AGBL3: variants seen among roughly 807,000 people sequenced by gnomAD.
The protein encoded by AGBL3 is AGBL carboxypeptidase 3, also known as cytosolic carboxypeptidase 3.
AGBL3 carries 68 observed loss-of-function variants against 94.5 expected under a neutral mutation model. That is an observed-to-expected ratio of 0.72 (90% CI 0.59 to 0.88). The LOEUF (loss-of-function observed/expected upper bound fraction) is 0.88, where lower values mean the gene tolerates loss of function less well. AGBL3 is among the 40% of genes least tolerant of loss of function. The probability of loss-of-function intolerance (pLI) is 0.00; values close to 1 mark genes in which losing one functional copy is unlikely to be tolerated. For missense variants in AGBL3, 934 were observed against 1,103.8 expected, an observed-to-expected ratio of 0.85 and a Z score of 2.18; for synonymous variants, 354 against 370.7, an observed-to-expected ratio of 0.95 and a Z score of 0.52.
At chr7:135,056,745 A>G (rs974105903) in intron 11 of AGBL3, among the ~76,000 whole-genome samples, 16 of 152,140 alleles carry the variant, frequency 1.1e-4, no homozygotes, top group African/African-American at 3.9e-4. Flanking sequence ...AAGAGGATCT[A>G]AATAAATGGA....
intron 15 of AGBL3, among the ~76,000 whole-genome samples, chr7:135,088,225 C>T (rs12533885): frequency 0.49 from 73,696 of 151,822 alleles, 18,247 homozygotes; most frequent in South Asian, 0.66. Flanking sequence ...ATAAGTTTCC[C>T]GTAGGCAGCA....
At chr7:135,058,801 G>A (rs1818564224) in intron 11 of AGBL3, among the ~76,000 whole-genome samples, 4 of 151,976 alleles carry the variant, frequency 2.6e-5, no homozygotes, top group African/African-American at 7.2e-5. Context: ...TTGTTGCCCA[G>A]GCTGGAGTGC....
chr7:134,997,159 AC>A (rs1811111375), intron 4 of AGBL3, among the ~76,000 whole-genome samples: 1 of 152,114 alleles, frequency 6.6e-6, no homozygotes, highest in South Asian at 2.1e-4. Context: ...AGCACACACA[AC>A]CTAGATCCCT....
chr7:135,114,794 A>G (rs1207660567), intron 15 of AGBL3, among the ~76,000 whole-genome samples: 1 of 152,016 alleles, frequency 6.6e-6, no homozygotes, highest in East Asian at 1.9e-4. Flanking sequence ...AACCAGCACA[A>G]TCTTGTCCAA....
chr7:135,095,666 T>G (rs944823274), intron 15 of AGBL3, among the ~76,000 whole-genome samples: 1 of 152,214 alleles, frequency 6.6e-6, no homozygotes, highest in Non-Finnish European at 1.5e-5. Flanking sequence ...CAACACTGTT[T>G]TTTGTGCTAA....
intron 16 of AGBL3, among the ~76,000 whole-genome samples, chr7:135,130,471 C>T (rs1385882477): frequency 6.6e-6 from 1 of 151,986 alleles, no homozygotes; most frequent in Non-Finnish European, 1.5e-5. Context: ...GACTTGTCTT[C>T]GCTACTTTTG....
intron 16 of AGBL3, chr7:135,129,114 GTGGAA>G (rs1440582761): frequency 1.3e-6 from 2 of 1,557,052 alleles, no homozygotes; most frequent in Non-Finnish European, 1.8e-6. Flanking sequence ...CAAAGAGCTA[GTGGAA>G]GCAGAGTTAT....
chr7:135,002,644 G>A (rs147324354), intron 4 of AGBL3, among the ~76,000 whole-genome samples: 262 of 152,294 alleles, frequency 1.7e-3, no homozygotes, highest in African/African-American at 6.1e-3. Flanking sequence ...TTATCTCCCA[G>A]GAGTTGGACA....
rs118067365 is a variant in AGBL3 at position 135,125,266 on chromosome 7, C to A, written c.2343-9575C>A. Among the ~76,000 whole-genome samples, 486 of 152,214 alleles carry A rather than the reference C, an allele frequency of 3.2e-3. 6 individuals are homozygous for A. The highest frequency in any genetic ancestry group is 7.7e-3 in the South Asian group (37 of 4,814). ...CTACCATCAGAGAATACTATCAACA[C>A]CTTGATGCAAATAAACTAGAAAATC... On this transcript the variant is annotated intron_variant, in intron 16 of 16. Transcript: ENST00000436302.
chr7:134,991,320 AC>A (rs1191282978), intron 3 of AGBL3, among the ~76,000 whole-genome samples: 1 of 151,900 alleles, frequency 6.6e-6, no homozygotes, highest in Non-Finnish European at 1.5e-5. Flanking sequence ...ATTAGGAGAT[AC>A]CTTTCTCTGG....
At chr7:135,021,935 G>C (rs1019994361) in intron 5 of AGBL3, among the ~76,000 whole-genome samples, 7 of 152,242 alleles carry the variant, frequency 4.6e-5, no homozygotes, top group Admixed American at 1.3e-4. Flanking sequence ...TTCTGTTCCT[G>C]TATTAGTCTG....
At chr7:135,069,555 C>A (rs572696337) in intron 12 of AGBL3, among the ~76,000 whole-genome samples, 1 of 152,264 alleles carries the variant, frequency 6.6e-6, no homozygotes, top group Non-Finnish European at 1.5e-5. Context: ...CAAACTAAAA[C>A]TCAGGATTAA....
At chr7:135,037,116 C>T (rs569725898) in intron 7 of AGBL3, among the ~76,000 whole-genome samples, 8 of 152,196 alleles carry the variant, frequency 5.3e-5, no homozygotes, top group East Asian at 3.9e-4. Flanking sequence ...GAGGTGGTTT[C>T]GCCACATTGG....
chr7:135,000,120 G>C (rs1025126326), intron 4 of AGBL3, among the ~76,000 whole-genome samples: 1 of 152,220 alleles, frequency 6.6e-6, no homozygotes, highest in African/African-American at 2.4e-5. Flanking sequence ...TTATTATGGA[G>C]CCCTTCTGGG....
intron 15 of AGBL3, among the ~76,000 whole-genome samples, chr7:135,100,823 C>T (rs1823723804): frequency 6.6e-6 from 1 of 152,184 alleles, no homozygotes. Context: ...GTGAATGCTA[C>T]ACCCACCTCT....
chr7:135,078,443 T>C (rs1378978812), intron 13 of AGBL3, among the ~76,000 whole-genome samples: 1 of 152,160 alleles, frequency 6.6e-6, no homozygotes, highest in Admixed American at 6.5e-5. Context: ...AATCCTCTAA[T>C]TGTTACCCCT....
intron 12 of AGBL3, among the ~76,000 whole-genome samples, chr7:135,061,176 G>A (rs1818810010): frequency 6.6e-6 from 1 of 151,678 alleles, no homozygotes. Context: ...ATACCTGTTG[G>A]CCATTTGTAT....
intron 12 of AGBL3, among the ~76,000 whole-genome samples, chr7:135,071,637 A>T (rs535569269): frequency 1.1e-3 from 167 of 152,312 alleles, no homozygotes; most frequent in African/African-American, 3.6e-3. Context: ...TCTTTGACAA[A>T]CCTGACAAAA....
chr7:135,037,139 C>T (rs1041697761), intron 7 of AGBL3, among the ~76,000 whole-genome samples: 1 of 152,134 alleles, frequency 6.6e-6, no homozygotes, highest in Admixed American at 6.5e-5. Context: ...AGGCTGGTCT[C>T]GAACCCCTGA....
Sources: allele counts gnomAD v4.1 joint callset (sites outside exome capture counted in the v4.1 genomes callset), GRCh38; gene constraint gnomAD v4.1.1; transcripts MANE v1.5; gene names NCBI Gene and HGNC (gene_info 2026-07-23, HGNC 2026-07-21).